CLVS1: variants seen among roughly 807,000 people sequenced by gnomAD.
CLVS1 encodes clavesin 1, also known as clavesin-1.
CLVS1 carries 10 observed loss-of-function variants against 33.1 expected under a neutral mutation model. The observed-to-expected ratio is 0.30, with a 90% CI of 0.19 to 0.51. CLVS1 has a LOEUF of 0.51. Among genes scored for constraint, CLVS1 ranks in the 20% least tolerant of loss-of-function variants. The pLI is 0.97. For synonymous variants in CLVS1, 163 were observed against 166.1 expected (o/e 0.98, Z 0.14); for missense variants, 343 against 433.4 (o/e 0.79, Z 1.85).
At chr8:60,973,141 G>A in the CLVS1 span, among the ~76,000 whole-genome samples, 13 of 152,294 alleles carry the variant, frequency 8.5e-5, no homozygotes, top group Middle Eastern at 3.4e-3. Context: ...GAAAGGACCC[G>A]TTGCAAATGA....
At chr8:61,234,786 C>T (rs555293380) in intron 2 of CLVS1, among the ~76,000 whole-genome samples, 1 of 152,186 alleles carries the variant, frequency 6.6e-6, no homozygotes, top group Admixed American at 6.5e-5. Context: ...ATATGGATCT[C>T]CGCAGAAAAA....
intron 3 of CLVS1, among the ~76,000 whole-genome samples, chr8:61,419,015 G>T (rs1016494635): frequency 2.0e-5 from 3 of 152,162 alleles, no homozygotes; most frequent in Non-Finnish European, 4.4e-5. Context: ...ATAAATATGG[G>T]ATGAGATGGG....
At chr8:61,185,601 A>G (rs1014917522) in intron 2 of CLVS1, among the ~76,000 whole-genome samples, 14 of 152,150 alleles carry the variant, frequency 9.2e-5, no homozygotes, top group Non-Finnish European at 1.5e-4. Context: ...AACTTTATGT[A>G]TATTTCTGAC....
At chr8:61,032,535 C>T in the CLVS1 span, among the ~76,000 whole-genome samples, 27 of 152,068 alleles carry the variant, frequency 1.8e-4, no homozygotes, top group Admixed American at 1.5e-3. Flanking sequence ...TGATGGCCAT[C>T]GACAGGAGAC....
At chr8:60,988,956 C>T in the CLVS1 span, among the ~76,000 whole-genome samples, 4 of 152,138 alleles carry the variant, frequency 2.6e-5, no homozygotes, top group African/African-American at 9.7e-5. Flanking sequence ...CCTTGATCTC[C>T]CAGCCTCAAA....
chr8:61,161,162 A>G (rs1461445030), intron 2 of CLVS1, among the ~76,000 whole-genome samples: 1 of 152,198 alleles, frequency 6.6e-6, no homozygotes, highest in African/African-American at 2.4e-5. Context: ...GTTATCAAAA[A>G]GACAAAATAT....
At chr8:61,360,315 A>C (rs1205489498) in intron 2 of CLVS1, among the ~76,000 whole-genome samples, 1 of 152,100 alleles carries the variant, frequency 6.6e-6, no homozygotes, top group African/African-American at 2.4e-5. Flanking sequence ...GACCTAGATG[A>C]TTCTAGAAGT....
intron 2 of CLVS1, among the ~76,000 whole-genome samples, chr8:61,304,108 G>A (rs1810529337): frequency 6.6e-6 from 1 of 152,200 alleles, no homozygotes; most frequent in South Asian, 2.1e-4. Context: ...AGCTTTGCAA[G>A]GAAATGACTT....
chr8:61,455,050 G>A (rs2129607051), intron 4 of CLVS1, among the ~76,000 whole-genome samples: 1 of 152,028 alleles, frequency 6.6e-6, no homozygotes, highest in East Asian at 1.9e-4. Flanking sequence ...TGTTATTAAG[G>A]TATAATTGAC....
chr8:61,480,229 A>C (rs768212234), intron 5 of CLVS1, among the ~76,000 whole-genome samples: 1 of 152,208 alleles, frequency 6.6e-6, no homozygotes, highest in African/African-American at 2.4e-5. Flanking sequence ...GGTGGGCTCC[A>C]CCCAGTTCGA....
At chr8:61,281,617 T>C (rs1251419629) in intron 2 of CLVS1, among the ~76,000 whole-genome samples, 1 of 152,142 alleles carries the variant, frequency 6.6e-6, no homozygotes, top group East Asian at 1.9e-4. Flanking sequence ...AAAGGTAGGG[T>C]ATTTTGTCGT....
intron 2 of CLVS1, among the ~76,000 whole-genome samples, chr8:61,271,619 G>A (rs13275548): frequency 0.38 from 22,386 of 59,556 alleles, 5,943 homozygotes; most frequent in East Asian, 0.91. Context: ...GTGGGGTGTT[G>A]AAGTCTCCCA....
At chr8:61,465,956 C>G (rs1275990129) in intron 5 of CLVS1, among the ~76,000 whole-genome samples, 1 of 152,230 alleles carries the variant, frequency 6.6e-6, no homozygotes, top group East Asian at 1.9e-4. Flanking sequence ...AGCCACCATG[C>G]CTGGCCTTAT....
chr8:61,498,203 TAC>T (rs1000645753), intron 5 of CLVS1, among the ~76,000 whole-genome samples: 3 of 152,192 alleles, frequency 2.0e-5, no homozygotes, highest in African/African-American at 7.2e-5. Context: ...GTCAAACTGA[TAC>T]AGTGTGACCT....
chr8:61,211,366 C>T (rs1807967205), intron 2 of CLVS1, among the ~76,000 whole-genome samples: 1 of 150,446 alleles, frequency 6.6e-6, no homozygotes, highest in Non-Finnish European at 1.5e-5. Flanking sequence ...CCCCCTCCTT[C>T]TCCTTCTTTC....
chr8:61,287,461 A>G (rs1486590030), upstream of CLVS1, among the ~76,000 whole-genome samples: 1 of 152,086 alleles, frequency 6.6e-6, no homozygotes, highest in Non-Finnish European at 1.5e-5. Context: ...GAGTGTTTTT[A>G]TGCACTCAAA....
intron 2 of CLVS1, among the ~76,000 whole-genome samples, chr8:61,198,281 G>A (rs747012114): frequency 4.6e-5 from 7 of 152,136 alleles, no homozygotes; most frequent in Non-Finnish European, 1.0e-4. Flanking sequence ...AGCTTTAGGG[G>A]TATAAGTGGT....
At chr8:61,066,352 G>A (rs1162751650) in intron 1 of CLVS1, among the ~76,000 whole-genome samples, 1 of 152,116 alleles carries the variant, frequency 6.6e-6, no homozygotes, top group Non-Finnish European at 1.5e-5. Flanking sequence ...TTTAAAATTA[G>A]CCAGGTGTGA....
At chr8:61,292,093 T>C in intron 1 of CLVS1, 1 of 294,504 alleles carries the variant, frequency 3.4e-6, no homozygotes, top group Non-Finnish European at 6.7e-6. Context: ...TGGACCACCC[T>C]TTGAGAAGCC....
Sources: allele counts gnomAD v4.1 joint callset (sites outside exome capture counted in the v4.1 genomes callset), GRCh38; gene constraint gnomAD v4.1.1; transcripts MANE v1.5; gene names NCBI Gene and HGNC (gene_info 2026-07-23, HGNC 2026-07-21).